Variants in CMSS1 observed in about 807,000 individuals in gnomAD.
CMSS1 encodes cms1 ribosomal small subunit homolog.
In CMSS1, 33 loss-of-function variants were observed where a neutral mutation model predicts 43.5. That is an observed-to-expected ratio of 0.76 (90% CI 0.57 to 1.01). The LOEUF (loss-of-function observed/expected upper bound fraction) is 1.01. Ranked by LOEUF, CMSS1 falls within the 50% of genes least tolerant of loss-of-function variation. The pLI is 0.00. For missense variants in CMSS1, 313 were observed against 326.4 expected (o/e 0.96, Z 0.32); for synonymous variants, 115 against 117.2 (o/e 0.98, Z 0.12).
intron 1 of CMSS1, among the ~76,000 whole-genome samples, chr3:99,907,474 C>G (rs1706655870): frequency 6.6e-6 from 1 of 152,066 alleles, no homozygotes. Context: ...GTCTTGATCT[C>G]CTGACCTCAT....
At chr3:100,018,490 A>G (rs993198078) in intron 1 of CMSS1, among the ~76,000 whole-genome samples, 4 of 152,136 alleles carry the variant, frequency 2.6e-5, no homozygotes, top group African/African-American at 9.7e-5. Flanking sequence ...AAAAATGGAA[A>G]TGGATAGCCA....
chr3:99,960,571 T>C (rs988419334), intron 1 of CMSS1, among the ~76,000 whole-genome samples: 3 of 152,164 alleles, frequency 2.0e-5, no homozygotes, highest in African/African-American at 7.2e-5. Flanking sequence ...CCCAAATCAT[T>C]CTTTAGCATC....
chr3:99,880,247 TC>T (rs919193708), intron 1 of CMSS1, among the ~76,000 whole-genome samples: 16 of 152,154 alleles, frequency 1.1e-4, no homozygotes, highest in African/African-American at 3.9e-4. Flanking sequence ...CACTCTTCTT[TC>T]AGTTCTTTGG....
chr3:100,176,866 T>C (rs919855967), intron 9 of CMSS1, among the ~76,000 whole-genome samples: 21 of 152,204 alleles, frequency 1.4e-4, no homozygotes, highest in Non-Finnish European at 2.8e-4. Context: ...AGAAAGATAT[T>C]TTGGTTCATG....
intron 1 of CMSS1, among the ~76,000 whole-genome samples, chr3:100,065,053 G>T (rs2065640775): frequency 6.6e-6 from 1 of 152,168 alleles, no homozygotes; most frequent in Non-Finnish European, 1.5e-5. Context: ...TTGCTTTAGG[G>T]TCAGTCTCAT....
intron 1 of CMSS1, among the ~76,000 whole-genome samples, chr3:100,125,076 G>C (rs904020646): frequency 6.6e-6 from 1 of 152,108 alleles, no homozygotes; most frequent in African/African-American, 2.4e-5. Context: ...TCTTCTTAGT[G>C]CCACTCCAAA....
chr3:100,026,967 G>T (rs1341082958), intron 1 of CMSS1, among the ~76,000 whole-genome samples: 1 of 152,116 alleles, frequency 6.6e-6, no homozygotes, highest in East Asian at 1.9e-4. Context: ...TTGGCCTCCT[G>T]TCTGTTCCTC....
chr3:100,046,681 C>T (rs1311588834), intron 1 of CMSS1, among the ~76,000 whole-genome samples: 2 of 152,090 alleles, frequency 1.3e-5, no homozygotes, highest in African/African-American at 4.8e-5. Context: ...ATCTCAGCTC[C>T]AGGTAATAGA....
At position 99,849,218 on chromosome 3, in the gene CMSS1, G is replaced by A. The variant is rs374898848; in HGVS notation, c.64+31175G>A. 1.5e-5 allele frequency: 24 copies of A among 1,613,936 alleles called. No homozygotes were observed. Among genetic ancestry groups the A allele is most frequent in the African/African-American group, 8.0e-5 (6 of 74,910 alleles). On this transcript the variant is annotated intron_variant, in intron 1 of 9. Coordinates refer to ENST00000421999, the MANE Select transcript of CMSS1 (RefSeq NM_032359.4). ...TATAACTGACCATTGATGACTGCAC[G>A]TTCCAGAGGAATGAGGCTCTTGTAA...
Position 99,850,019 on chromosome 3 carries a change from C to T in CMSS1, c.64+31976C>T, listed in dbSNP as rs769449136. 38 of 1,607,734 alleles carry T rather than the reference C, an allele frequency of 2.4e-5. No homozygotes were observed. The South Asian group carries it at 2.9e-4, about 12-fold the overall frequency. ...GTTACGCTGTACATCTTTTCTTCTA[C>T]ATCGGTTTTGGACTTGAGCGCCCTT... is the stretch of plus-strand genomic sequence containing the variant. On this transcript the variant is annotated intron_variant, in intron 1 of 9. Coordinates refer to ENST00000421999, the MANE Select transcript of CMSS1 (RefSeq NM_032359.4).
intron 1 of CMSS1, among the ~76,000 whole-genome samples, chr3:99,952,393 C>G (rs1402001562): frequency 6.6e-6 from 1 of 152,126 alleles, no homozygotes; most frequent in Admixed American, 6.5e-5. Context: ...TATGTCTGTT[C>G]AAGTTGAGGA....
chr3:100,152,877 A>G (rs1290832660), intron 2 of CMSS1, among the ~76,000 whole-genome samples: 2 of 152,198 alleles, frequency 1.3e-5, no homozygotes, highest in Admixed American at 6.5e-5. Context: ...CATGTCTTCA[A>G]AGTCCAAAAT....
intron 1 of CMSS1, among the ~76,000 whole-genome samples, chr3:99,875,193 AAAT>A (rs1705449368): frequency 6.6e-6 from 1 of 152,216 alleles, no homozygotes; most frequent in Non-Finnish European, 1.5e-5. Flanking sequence ...TAGTTGGAAA[AAAT>A]GAAGTAAAAT....
chr3:99,840,611 G>A (rs1943093003), intron 1 of CMSS1, among the ~76,000 whole-genome samples: 1 of 152,190 alleles, frequency 6.6e-6, no homozygotes, highest in Non-Finnish European at 1.5e-5. Context: ...CTGGAGGAAA[G>A]AAACTCATGC....
At chr3:100,037,961 G>GA (rs1293985998) in intron 1 of CMSS1, among the ~76,000 whole-genome samples, 1 of 132,460 alleles carries the variant, frequency 7.5e-6, no homozygotes, top group African/African-American at 2.9e-5. Context: ...TTTTTTGGGG[G>GA]GGGAGGGAAC....
At chr3:99,913,809 A>G (rs1706869018) in intron 1 of CMSS1, among the ~76,000 whole-genome samples, 1 of 152,248 alleles carries the variant, frequency 6.6e-6, no homozygotes, top group Non-Finnish European at 1.5e-5. Flanking sequence ...TTAAGAAAAG[A>G]AAAAACGTAG....
chr3:100,004,918 C>T (rs1709946388), intron 1 of CMSS1, among the ~76,000 whole-genome samples: 1 of 152,138 alleles, frequency 6.6e-6, no homozygotes. Flanking sequence ...CTCATAGCCT[C>T]ATACCCATTA....
At chr3:99,960,652 G>A (rs1708464073) in intron 1 of CMSS1, among the ~76,000 whole-genome samples, 1 of 152,176 alleles carries the variant, frequency 6.6e-6, no homozygotes, top group Non-Finnish European at 1.5e-5. Flanking sequence ...TCAAGGTAGG[G>A]GAGAAGTAGG....
In CMSS1 at chr3:100,033,362, G is replaced by A. The variant is rs1238043733; in HGVS notation, c.65-113611G>A. Among the ~76,000 whole-genome samples the A allele has an allele frequency of 2.0e-5, 3 of 152,288 alleles. No individual in the cohort carries two copies. The East Asian group carries it at 5.8e-4, about 29-fold the overall frequency. On this transcript the variant is annotated intron_variant, in intron 1 of 9. Coordinates refer to ENST00000421999, the MANE Select transcript of CMSS1 (RefSeq NM_032359.4). Reference sequence around the variant, plus strand: ...GTGGCAGCCAATGGAAAACCCACAAGCTCAGCAGCTGCAGCTCTGGAAGGC... The same window carrying A: ...GTGGCAGCCAATGGAAAACCCACAAACTCAGCAGCTGCAGCTCTGGAAGGC...
Sources: allele counts gnomAD v4.1 joint callset (sites outside exome capture counted in the v4.1 genomes callset), GRCh38; gene constraint gnomAD v4.1.1; transcripts MANE v1.5; gene names NCBI Gene and HGNC (gene_info 2026-07-23, HGNC 2026-07-21).